RGS8: variants seen among roughly 807,000 people sequenced by gnomAD.
RGS8 encodes the protein regulator of G protein signaling 8.
In RGS8, 8 loss-of-function variants were observed where a neutral mutation model predicts 21.7. The observed-to-expected ratio is 0.37, with a 90% CI of 0.22 to 0.66. The LOEUF (loss-of-function observed/expected upper bound fraction) is 0.66. Among genes scored for constraint, RGS8 ranks in the 30% least tolerant of loss-of-function variants. The pLI, the probability that RGS8 is intolerant of heterozygous loss-of-function variation, is 0.59. For missense variants in RGS8, 157 were observed against 217.9 expected (o/e 0.72, Z 1.76); for synonymous variants, 80 against 83.6 (o/e 0.96, Z 0.24).
chr1:182,672,054 G>T, upstream of RGS8: 1 of 460,606 alleles, frequency 2.2e-6, no homozygotes, highest in African/African-American at 2.0e-5. Flanking sequence ...TCCTCTGGCT[G>T]CAGCTCAGGG....
chr1:182,737,952 T>C, the RGS8 span, among the ~76,000 whole-genome samples: 2 of 152,238 alleles, frequency 1.3e-5, no homozygotes, highest in Non-Finnish European at 1.5e-5. Context: ...ATTGAAGCCC[T>C]GATTGCAGCC....
chr1:182,720,468 A>C, the RGS8 span, among the ~76,000 whole-genome samples: 2 of 152,148 alleles, frequency 1.3e-5, no homozygotes. Context: ...GGAAGGGATA[A>C]TATCTCATTT....
the RGS8 span, among the ~76,000 whole-genome samples, chr1:182,715,515 C>T: frequency 6.6e-6 from 1 of 152,286 alleles, no homozygotes; most frequent in South Asian, 2.1e-4. Flanking sequence ...TAGCAGTTTC[C>T]TAACTTTAGC....
intron 5 of RGS8, among the ~76,000 whole-genome samples, chr1:182,664,349 C>T (rs571416256): frequency 1.3e-5 from 2 of 151,902 alleles, no homozygotes; most frequent in East Asian, 3.9e-4. Flanking sequence ...GTAGAGAAGC[C>T]GAAATCAACG....
the RGS8 span, among the ~76,000 whole-genome samples, chr1:182,737,260 A>C: frequency 6.7e-6 from 1 of 149,090 alleles, no homozygotes; most frequent in African/African-American, 2.5e-5. Flanking sequence ...GAATAATCTC[A>C]TCTCCTAAAT....
chr1:182,682,073 A>G (rs1447438115), intron 1 of RGS8, among the ~76,000 whole-genome samples: 1 of 152,236 alleles, frequency 6.6e-6, no homozygotes, highest in East Asian at 1.9e-4. Context: ...GTGTTTGGAC[A>G]AAGAAGAAAC....
the RGS8 span, among the ~76,000 whole-genome samples, chr1:182,728,456 A>G: frequency 6.6e-6 from 1 of 152,214 alleles, no homozygotes; most frequent in Non-Finnish European, 1.5e-5. Flanking sequence ...ACAGAAGTTT[A>G]GCATAATGAT....
the RGS8 span, among the ~76,000 whole-genome samples, chr1:182,711,527 C>T: frequency 6.6e-6 from 1 of 152,126 alleles, no homozygotes; most frequent in Non-Finnish European, 1.5e-5. Flanking sequence ...GGACAAGACC[C>T]AGGAGGGAGG....
At chr1:182,716,882 A>T in the RGS8 span, among the ~76,000 whole-genome samples, 2 of 152,160 alleles carry the variant, frequency 1.3e-5, no homozygotes, top group Non-Finnish European at 1.5e-5. Flanking sequence ...GCACTTTGGG[A>T]TCAGGCAGAA....
At chr1:182,691,336 C>T in the RGS8 span, among the ~76,000 whole-genome samples, 5 of 152,104 alleles carry the variant, frequency 3.3e-5, no homozygotes, top group Middle Eastern at 3.2e-3. Flanking sequence ...AACTTCATTT[C>T]TAGTATCAAA....
chr1:182,717,964 A>G, the RGS8 span, among the ~76,000 whole-genome samples: 1 of 152,244 alleles, frequency 6.6e-6, no homozygotes, highest in Non-Finnish European at 1.5e-5. Context: ...TCCTAATGGT[A>G]TACTCATTAA....
chr1:182,722,815 A>G, the RGS8 span, among the ~76,000 whole-genome samples: 2 of 151,932 alleles, frequency 1.3e-5, no homozygotes, highest in African/African-American at 4.8e-5. Context: ...TCTCTACTAA[A>G]AAATAGAAAA....
the RGS8 span, among the ~76,000 whole-genome samples, chr1:182,689,624 G>A: frequency 6.6e-6 from 1 of 152,190 alleles, no homozygotes; most frequent in Non-Finnish European, 1.5e-5. Context: ...AAATCACCCA[G>A]TCCTGGGATA....
At chr1:182,741,113 A>T in the RGS8 span, among the ~76,000 whole-genome samples, 1 of 149,938 alleles carries the variant, frequency 6.7e-6, no homozygotes, top group Admixed American at 6.6e-5. Context: ...GGGGCTCCTC[A>T]CTTCCCAGTA....
intron 1 of RGS8, among the ~76,000 whole-genome samples, chr1:182,681,112 A>C (rs1664521901): frequency 6.6e-6 from 1 of 152,228 alleles, no homozygotes; most frequent in African/African-American, 2.4e-5. Flanking sequence ...AGTCACAGGG[A>C]GAACATCAGA....
chr1:182,717,641 A>C, the RGS8 span, among the ~76,000 whole-genome samples: 4 of 152,158 alleles, frequency 2.6e-5, no homozygotes, highest in African/African-American at 9.7e-5. Flanking sequence ...TCCTGTGCCC[A>C]CTGTCACCCT....
At chr1:182,696,522 T>C in the RGS8 span, among the ~76,000 whole-genome samples, 5 of 152,078 alleles carry the variant, frequency 3.3e-5, no homozygotes, top group Admixed American at 6.5e-5. Context: ...CACACCTGGC[T>C]AATTTTTGTA....
chr1:182,692,917 A>G, the RGS8 span, among the ~76,000 whole-genome samples: 1 of 152,212 alleles, frequency 6.6e-6, no homozygotes, highest in East Asian at 1.9e-4. Flanking sequence ...GGAATAACTG[A>G]CTAACCATAT....
intron 4 of RGS8, among the ~76,000 whole-genome samples, chr1:182,666,386 T>G (rs1460017940): frequency 6.6e-6 from 1 of 152,212 alleles, no homozygotes; most frequent in Non-Finnish European, 1.5e-5. Context: ...ATTCCTACTG[T>G]CACCTAAATG....
Sources: gnomAD v4.1 joint callset for allele counts (sites outside exome capture counted in the v4.1 genomes callset) on GRCh38, gnomAD v4.1.1 for gene constraint, MANE v1.5 for transcripts, NCBI Gene and HGNC (gene_info 2026-07-23, HGNC 2026-07-21) for gene names.